Variants in SARS1 observed in about 807,000 individuals in gnomAD.
SARS1 encodes the protein serine--tRNA ligase, cytoplasmic.
In SARS1, 25 loss-of-function variants were observed where a neutral mutation model predicts 63.7. That is an observed-to-expected ratio of 0.39 (90% CI 0.29 to 0.55). SARS1 has a LOEUF of 0.55. Ranked by LOEUF, SARS1 falls within the 20% of genes least tolerant of loss-of-function variation. The pLI, the probability that SARS1 is intolerant of heterozygous loss-of-function variation, is 0.62. For missense variants in SARS1, 417 were observed against 649.7 expected (o/e 0.64, Z 3.89); for synonymous variants, 231 against 243.5 (o/e 0.95, Z 0.48).
In SARS1 at chr1:109,214,595, T is replaced by A. The variant is rs993503927; in HGVS notation, c.136+467T>A. The A allele has an allele frequency of 3.2e-5, 32 of 986,218 alleles. No homozygotes were observed. In the African/African-American group the frequency reaches 5.2e-4, roughly 16 times the overall value. 61.1% of individuals were successfully genotyped at this position (986,218 alleles called of 1,614,324 possible). A position where few individuals can be genotyped will look rare whatever the true frequency, so the allele number is the denominator to read the frequency against. On this transcript the variant is annotated intron_variant, in intron 1 of 10. Coordinates refer to ENST00000234677, the MANE Select transcript of SARS1 (RefSeq NM_006513.4). The surrounding 1 kb of genome is among the most constrained non-coding windows in gnomAD (Gnocchi z 4.6). ...GCGTCACTTCTGCAACACAGTAGAT[T>A]CATTCCTTCGGTATCGGAAGCATTT...
At chr1:109,222,383 G>A (rs1045037045) in intron 1 of SARS1, among the ~76,000 whole-genome samples, 10 of 145,948 alleles carry the variant, frequency 6.9e-5, no homozygotes, top group South Asian at 2.1e-4. Context: ...TTGCACACAT[G>A]TGTGTGTGTA....
intron 1 of SARS1, among the ~76,000 whole-genome samples, chr1:109,222,536 C>G (rs954691202): frequency 1.3e-5 from 2 of 152,194 alleles, no homozygotes; most frequent in Non-Finnish European, 2.9e-5. Context: ...CTAGCAACCA[C>G]TAATCTATTA....
chr1:109,230,185 C>T (rs1432986853), intron 4 of SARS1, among the ~76,000 whole-genome samples: 1 of 151,894 alleles, frequency 6.6e-6, no homozygotes, highest in Non-Finnish European at 1.5e-5. Flanking sequence ...AAAAAAAAAT[C>T]TACATTCTCC....
At chr1:109,231,046 T>G in intron 5 of SARS1, 25 bp downstream of exon 5, 3 of 1,358,374 alleles carry the variant, frequency 2.2e-6, no homozygotes, top group Non-Finnish European at 2.9e-6. Context: ...CCAGTGAGGA[T>G]AGGATTATGA....
At chr1:109,230,589 T>G (rs1362111536) in intron 4 of SARS1, among the ~76,000 whole-genome samples, 1 of 152,126 alleles carries the variant, frequency 6.6e-6, no homozygotes, top group East Asian at 1.9e-4. Flanking sequence ...GGCGGATCAC[T>G]CGAGCCCAGG....
chr1:109,226,677 A>AATATATATATATAT (rs1553177726), intron 2 of SARS1, among the ~76,000 whole-genome samples: 30 of 44,928 alleles, frequency 6.7e-4, no homozygotes, highest in African/African-American at 2.3e-3. Flanking sequence ...AAAAAAAAAA[A>AATATATATATATAT]ATATATATAT....
At position 109,231,663 on chromosome 1, in the gene SARS1, C is replaced by A. The variant is rs749214954; in HGVS notation, c.624C>A (p.Ile208=). Residue 208 remains isoleucine (I), a synonymous_variant, in exon 6 of 11, where the codon ATC becomes ATA. Coordinates refer to ENST00000234677, the MANE Select transcript of SARS1 (RefSeq NM_006513.4). The part of the protein sequence containing the change: ...GVLVFLEQAL[I]QYALRTLGSR... The stretch of plus-strand genomic sequence containing the variant: ...TGGTGTTCCTGGAACAGGCTCTCAT[C>A]CAGTATGCCCTTCGCACCTTGGGAA... The A allele has an allele frequency of 6.4e-7, 1 of 1,573,886 alleles. No individual in the cohort carries two copies. Among genetic ancestry groups the A allele is most frequent in the Non-Finnish European group, 8.6e-7 (1 of 1,162,504 alleles).
chr1:109,226,677 A>AAAAT (rs1178056468), intron 2 of SARS1, among the ~76,000 whole-genome samples: 3,772 of 44,902 alleles, frequency 0.084, 236 homozygotes, highest in Non-Finnish European at 0.11. Context: ...AAAAAAAAAA[A>AAAAT]ATATATATAT....
chr1:109,226,679 T>A (rs1032429279), intron 2 of SARS1, among the ~76,000 whole-genome samples: 1,478 of 60,580 alleles, frequency 0.024, 68 homozygotes, highest in African/African-American at 0.06. Context: ...AAAAAAAAAA[T>A]ATATATATAT....
At chr1:109,228,214 T>G in intron 2 of SARS1, 138 bp from the exon 3 acceptor site, 3 of 642,720 alleles carry the variant, frequency 4.7e-6, no homozygotes, top group Non-Finnish European at 5.2e-6. Flanking sequence ...TTTTCCTACA[T>G]GTTGTATCTT....
chr1:109,223,478 A>G (rs1654998447), intron 1 of SARS1, among the ~76,000 whole-genome samples: 1 of 152,200 alleles, frequency 6.6e-6, no homozygotes, highest in Non-Finnish European at 1.5e-5. Context: ...AATGCTGGGG[A>G]CACCCTATTG....
rs755137350 is a variant in SARS1, at chr1:109,213,953, GATC to G, written c.-39_-37del. The G allele has an allele frequency of 2.0e-5, 31 of 1,575,118 alleles. No individual in the cohort carries two copies. In the African/African-American group the frequency reaches 3.3e-4, roughly 17 times the overall value. ...GGTCACAGGCTGAGTGCTGCGGCGC[GATC>G]CTTGCTTCCCTGAGCGTTGGCCCGG... is the stretch of plus-strand genomic sequence containing the variant. On this transcript the variant is annotated 5_prime_UTR_variant, in exon 1 of 11. Transcript: ENST00000234677.
At position 109,237,914 on chromosome 1, in the gene SARS1, G is replaced by A. The variant is rs374713441; in HGVS notation, c.*26G>A. 6.2e-7 allele frequency: 1 copy of A among 1,612,154 alleles called. No individual in the cohort carries two copies. The highest frequency in any genetic ancestry group is 8.5e-7 in the Non-Finnish European group (1 of 1,178,812). The stretch of plus-strand genomic sequence containing the variant: ...ACATTCCTGCCTCCCTATTTGCCAG[G>A]CTTTCATTTCTGTCTGCTGAGATCT... On this transcript the variant is annotated 3_prime_UTR_variant, in exon 11 of 11. Transcript: ENST00000234677. The surrounding 1 kb of genome is among the most constrained non-coding windows in gnomAD (Gnocchi z 4.1).
Position 109,214,186 on chromosome 1 carries a change from A to G in SARS1, c.136+58A>G. The G allele has an allele frequency of 6.4e-7, 1 of 1,570,092 alleles. No homozygotes were observed. The highest frequency in any genetic ancestry group is 8.7e-7 in the Non-Finnish European group (1 of 1,155,844). On this transcript the variant is annotated intron_variant, in intron 1 of 10. Coordinates refer to ENST00000234677, the MANE Select transcript of SARS1 (RefSeq NM_006513.4). The surrounding 1 kb of genome is among the most constrained non-coding windows in gnomAD (Gnocchi z 4.6). ...ATGCTAAACCCAATTTTCTCTCTCA[A>G]ATCCAGCCACCGCTCCTGAGGCCAC...
chr1:109,235,124 A>G lies in SARS1; in HGVS notation c.748-86A>G. 1.9e-6 allele frequency: 2 copies of G among 1,077,918 alleles called. No homozygotes were observed. The highest frequency in any genetic ancestry group is 1.4e-6 in the Non-Finnish European group (1 of 702,580). 66.8% of individuals were successfully genotyped at this position (1,077,918 alleles called of 1,614,324 possible). A position where few individuals can be genotyped will look rare whatever the true frequency, so the allele number is the denominator to read the frequency against. On this transcript the variant is annotated intron_variant, in intron 6 of 10. Coordinates refer to ENST00000234677, the MANE Select transcript of SARS1 (RefSeq NM_006513.4). This position sits in a 1 kb window ranked among gnomAD's most constrained non-coding sequence, Gnocchi z 4.7. ...GATTAAAGGAAATTTTTCCTGCACTATTATTGATCTCTTTCTTGTGGTTTC... is the reference window on the plus strand; with the variant it reads ...GATTAAAGGAAATTTTTCCTGCACTGTTATTGATCTCTTTCTTGTGGTTTC...
Position 109,237,676 on chromosome 1 carries a change from A to T in SARS1, c.1388-55A>T, listed in dbSNP as rs1655342419. ...TTGTTGAATTCTCCCCAGAGGTCTT[A>T]GGGCTTTGACTCACTGAGAAACAAC... On this transcript the variant is annotated intron_variant, in intron 10 of 10. Coordinates refer to ENST00000234677, the MANE Select transcript of SARS1 (RefSeq NM_006513.4). The surrounding 1 kb of genome is among the most constrained non-coding windows in gnomAD (Gnocchi z 4.1). The T allele has an allele frequency of 6.3e-7, 1 of 1,591,970 alleles. No individual in the cohort carries two copies. Among genetic ancestry groups the T allele is most frequent in the South Asian group, 1.1e-5 (1 of 90,142 alleles).
intron 6 of SARS1, among the ~76,000 whole-genome samples, chr1:109,232,287 A>G (rs1655226719): frequency 6.6e-6 from 1 of 152,180 alleles, no homozygotes; most frequent in South Asian, 2.1e-4. Context: ...CATGTCAGGG[A>G]GAGCCAGACA....
chr1:109,223,546 G>C (rs1051844988), intron 1 of SARS1, among the ~76,000 whole-genome samples: 8 of 152,194 alleles, frequency 5.3e-5, no homozygotes, highest in African/African-American at 1.4e-4. Flanking sequence ...ATTAGGCCGG[G>C]CACAGTGGCT....
At chr1:109,216,385 T>A (rs1476000626) in intron 1 of SARS1, 1 of 985,428 alleles carries the variant, frequency 1.0e-6, no homozygotes, top group South Asian at 4.7e-5. Context: ...CTTGGAGTGA[T>A]AATACCACAT....
Sources: allele counts gnomAD v4.1 joint callset (sites outside exome capture counted in the v4.1 genomes callset), GRCh38; gene constraint gnomAD v4.1.1; non-coding constraint Gnocchi (gnomAD v3.1); transcripts MANE v1.5; gene names NCBI Gene and HGNC (gene_info 2026-07-23, HGNC 2026-07-21).